Variants in PPP1R12B observed in about 807,000 individuals in gnomAD.
PPP1R12B encodes myosin phosphatase target subunit 2.
A neutral mutation model predicts 126.1 loss-of-function variants in PPP1R12B; 76 were observed. The observed-to-expected ratio is 0.60, with a 90% CI of 0.50 to 0.73. The LOEUF (loss-of-function observed/expected upper bound fraction) is 0.73, where lower values mean the gene tolerates loss of function less well. Among genes scored for constraint, PPP1R12B ranks in the 30% least tolerant of loss-of-function variants. PPP1R12B has a pLI of 0.00. For missense variants in PPP1R12B, 1,052 were observed against 1,205.1 expected (o/e 0.87, Z 1.88); for synonymous variants, 356 against 434.7 (o/e 0.82, Z 2.25).
At chr1:202,428,739 G>A in intron 5 of PPP1R12B, 116 bp from the exon 6 acceptor site, 1 of 814,410 alleles carries the variant, frequency 1.2e-6, no homozygotes. Flanking sequence ...AGTTTGAAAA[G>A]CAGCTATTAT....
At position 202,391,173 on chromosome 1, in the gene PPP1R12B, ATAACT is replaced by A. The variant is rs199518325; in HGVS notation, c.292-25610_292-25606del. Among the ~76,000 whole-genome samples, 713 of 152,284 alleles carry A rather than the reference ATAACT, an allele frequency of 4.7e-3. 16 individuals are homozygous for A. The highest frequency in any genetic ancestry group is 0.035 in the Admixed American group (530 of 15,300). ...TATAAAGAACTTTAATAATAAATAA[ATAACT>A]TAATAATAAGAAAAAATATCTCAAT... On this transcript the variant is annotated intron_variant, in intron 1 of 23. Coordinates refer to ENST00000608999, the MANE Select transcript of PPP1R12B (RefSeq NM_002481.4).
intron 13 of PPP1R12B, among the ~76,000 whole-genome samples, chr1:202,476,353 T>G (rs1349106885): frequency 6.6e-6 from 1 of 151,216 alleles, no homozygotes; most frequent in African/African-American, 2.4e-5. Context: ...TTTAATTATG[T>G]TTTTATATAT....
chr1:202,571,467 G>A (rs1427119741), intron 23 of PPP1R12B, among the ~76,000 whole-genome samples: 2 of 151,484 alleles, frequency 1.3e-5, no homozygotes, highest in South Asian at 2.1e-4. Flanking sequence ...TCTTTGAGAC[G>A]GAGCCTCACT....
chr1:202,350,746 G>A (rs748544868), intron 1 of PPP1R12B, among the ~76,000 whole-genome samples: 7 of 151,388 alleles, frequency 4.6e-5, no homozygotes, highest in Non-Finnish European at 8.8e-5. Flanking sequence ...TCAGCCTCCC[G>A]AGTAGCTGGG....
intron 1 of PPP1R12B, among the ~76,000 whole-genome samples, chr1:202,389,155 T>C (rs974116713): frequency 4.6e-5 from 7 of 152,082 alleles, no homozygotes; most frequent in East Asian, 1.9e-4. Flanking sequence ...GAAGGAAATA[T>C]AGGTGAATAT....
intron 23 of PPP1R12B, among the ~76,000 whole-genome samples, chr1:202,577,603 A>G (rs1244891558): frequency 6.6e-6 from 1 of 151,558 alleles, no homozygotes. Context: ...TGGAAAAATC[A>G]TCTTATCTCA....
intron 18 of PPP1R12B, among the ~76,000 whole-genome samples, chr1:202,525,297 G>T (rs955609343): frequency 6.6e-5 from 10 of 152,188 alleles, no homozygotes; most frequent in African/African-American, 2.2e-4. Flanking sequence ...GATATTTAAA[G>T]CAATGAGACT....
Position 202,550,621 on chromosome 1 carries a change from T to A in PPP1R12B, c.2491-8256T>A, listed in dbSNP as rs1157209854. Among the ~76,000 whole-genome samples the A allele has an allele frequency of 2.6e-5, 4 of 152,338 alleles. No individual in the cohort carries two copies. The East Asian group carries it at 5.8e-4, about 22-fold the overall frequency. ...ATAGTTTCAGATGCCCATACACATC[T>A]GTGTGAACCTAAAACTCCAAGCTAT... On this transcript the variant is annotated intron_variant, in intron 18 of 23. Coordinates refer to ENST00000608999, the MANE Select transcript of PPP1R12B (RefSeq NM_002481.4).
chr1:202,552,809 T>C (rs1013174369), intron 18 of PPP1R12B, among the ~76,000 whole-genome samples: 7 of 152,214 alleles, frequency 4.6e-5, no homozygotes, highest in African/African-American at 1.7e-4. Context: ...GCAGCAGACA[T>C]GTGACTTGGT....
intron 1 of PPP1R12B, among the ~76,000 whole-genome samples, chr1:202,387,806 G>A (rs1302267994): frequency 5.3e-5 from 8 of 152,104 alleles, no homozygotes; most frequent in East Asian, 3.9e-4. Flanking sequence ...ATCTAGTGTC[G>A]TAGGGTAATT....
At chr1:202,521,761 G>C (rs543617630) in intron 18 of PPP1R12B, among the ~76,000 whole-genome samples, 1 of 151,962 alleles carries the variant, frequency 6.6e-6, no homozygotes, top group South Asian at 2.1e-4. Flanking sequence ...TTGCAAAGGA[G>C]AAAAAAGAAT....
chr1:202,404,563 G>A (rs915354014), intron 1 of PPP1R12B, among the ~76,000 whole-genome samples: 12 of 151,916 alleles, frequency 7.9e-5, no homozygotes, highest in African/African-American at 2.2e-4. Context: ...GTGCAGTGGC[G>A]TGTCTTGGCT....
intron 1 of PPP1R12B, among the ~76,000 whole-genome samples, chr1:202,365,045 C>G (rs763980827): frequency 6.6e-6 from 1 of 152,238 alleles, no homozygotes; most frequent in Non-Finnish European, 1.5e-5. Flanking sequence ...ACAATTAGTA[C>G]AAATACCACC....
chr1:202,504,946 A>G (rs1463471088), intron 18 of PPP1R12B, among the ~76,000 whole-genome samples: 1 of 152,252 alleles, frequency 6.6e-6, no homozygotes, highest in African/African-American at 2.4e-5. Flanking sequence ...CAAATCTACA[A>G]GTTCCTACAT....
intron 14 of PPP1R12B, among the ~76,000 whole-genome samples, chr1:202,491,988 G>A (rs1339081023): frequency 6.6e-6 from 1 of 151,908 alleles, no homozygotes; most frequent in Non-Finnish European, 1.5e-5. Flanking sequence ...TTTTTTTGTT[G>A]TGTGCTTCAT....
intron 19 of PPP1R12B, among the ~76,000 whole-genome samples, chr1:202,562,122 C>A (rs1351287673): frequency 6.6e-6 from 1 of 152,206 alleles, no homozygotes; most frequent in Non-Finnish European, 1.5e-5. Flanking sequence ...CTTACCAATA[C>A]TGGAAATAAA....
chr1:202,485,500 T>C (rs577224642), intron 13 of PPP1R12B, among the ~76,000 whole-genome samples: 1 of 152,252 alleles, frequency 6.6e-6, no homozygotes, highest in East Asian at 1.9e-4. Context: ...ATTCAGGGCC[T>C]GTGAGGACAG....
intron 11 of PPP1R12B, 137 bp from the exon 12 acceptor site, chr1:202,442,310 A>T: frequency 9.9e-7 from 1 of 1,009,516 alleles, no homozygotes. Context: ...ACTGGTATAT[A>T]AAACAGAATA....
In PPP1R12B at chr1:202,566,814, A is replaced by T. The variant is rs570466972; in HGVS notation, c.2758-964A>T. ...CTGGCCATTCCTTAATTTTTTTTTT[A>T]AAAAAAGAAACTGCTGCAAGAAGAC... On this transcript the variant is annotated intron_variant, in intron 21 of 23. Coordinates refer to ENST00000608999, the MANE Select transcript of PPP1R12B (RefSeq NM_002481.4). Among the ~76,000 whole-genome samples, 49 of 151,992 alleles carry T rather than the reference A, an allele frequency of 3.2e-4. No individual in the cohort carries two copies. The South Asian group carries it at 3.9e-3, about 12-fold the overall frequency.
Sources: gnomAD v4.1 joint callset for allele counts (sites outside exome capture counted in the v4.1 genomes callset) on GRCh38, gnomAD v4.1.1 for gene constraint, MANE v1.5 for transcripts, NCBI Gene and HGNC (gene_info 2026-07-23, HGNC 2026-07-21) for gene names.